The following STAB2 variants were observed in gnomAD, a reference collection of about 807,000 sequenced individuals.
The protein encoded by STAB2 is stabilin-2.
In STAB2, 288 loss-of-function variants were observed where a neutral mutation model predicts 338.1. The ratio of observed to expected loss-of-function variants is 0.85; its 90% CI spans 0.77 to 0.94. The LOEUF is 0.94. STAB2 is among the 40% of genes least tolerant of loss of function. STAB2 has a pLI of 0.00. For synonymous variants in STAB2, 1,202 were observed against 1,193.3 expected (o/e 1.01, Z -0.15); for missense variants, 3,141 against 3,210.1 (o/e 0.98, Z 0.52).
intron 3 of STAB2, among the ~76,000 whole-genome samples, chr12:103,602,809 G>A (rs894708544): frequency 6.6e-6 from 1 of 152,132 alleles, no homozygotes; most frequent in Non-Finnish European, 1.5e-5. Flanking sequence ...TTAGATGTGT[G>A]CTTTGTAAAT....
intron 39 of STAB2, among the ~76,000 whole-genome samples, chr12:103,709,765 G>A: frequency 6.6e-6 from 1 of 152,192 alleles, no homozygotes; most frequent in East Asian, 1.9e-4. Context: ...TCAAATGTCA[G>A]GGTACAGAGC....
intron 5 of STAB2, among the ~76,000 whole-genome samples, chr12:103,623,341 C>A (rs1023619264): frequency 6.6e-6 from 1 of 152,132 alleles, no homozygotes; most frequent in African/African-American, 2.4e-5. Flanking sequence ...AATATGGTAC[C>A]TTACATGGCA....
At chr12:103,719,050 A>C (rs554639807) in intron 44 of STAB2, among the ~76,000 whole-genome samples, 1 of 152,310 alleles carries the variant, frequency 6.6e-6, no homozygotes, top group African/African-American at 2.4e-5. Context: ...TATGCAAACG[A>C]GGAGTTTACT....
chr12:103,740,318 G>A (rs1882480359), intron 54 of STAB2, among the ~76,000 whole-genome samples: 1 of 152,048 alleles, frequency 6.6e-6, no homozygotes, highest in African/African-American at 2.4e-5. Flanking sequence ...ATGACAGCAA[G>A]CTACCTCCTT....
Position 103,669,537 on chromosome 12 carries a change from T to C in STAB2, c.2173-4T>C. On this transcript the variant is annotated splice_region_variant and splice_polypyrimidine_tract_variant and intron_variant, in intron 20 of 68. Transcript: ENST00000388887. The stretch of plus-strand genomic sequence containing the variant: ...CAAAGGGGAACACGCATTTTGTTTT[T>C]CAGATTCCAAAGTGCTGCAAAGGCT... 6.2e-7 allele frequency: 1 copy of C among 1,614,050 alleles called. No individual in the cohort carries two copies. The highest frequency in any genetic ancestry group is 2.2e-5 in the East Asian group (1 of 44,878).
intron 37 of STAB2, among the ~76,000 whole-genome samples, 179 bp downstream of exon 37, chr12:103,705,906 G>C (rs1879308373): frequency 6.6e-6 from 1 of 152,174 alleles, no homozygotes; most frequent in African/African-American, 2.4e-5. Flanking sequence ...GAACAGCTCT[G>C]TAATCCAGAA....
intron 26 of STAB2, among the ~76,000 whole-genome samples, chr12:103,684,292 A>G (rs1454473720): frequency 6.6e-6 from 1 of 152,212 alleles, no homozygotes; most frequent in Non-Finnish European, 1.5e-5. Flanking sequence ...AGGTGTCTAC[A>G]TATGAGTCCG....
chr12:103,597,778 T>G (rs1226618226), intron 3 of STAB2, among the ~76,000 whole-genome samples: 1 of 152,176 alleles, frequency 6.6e-6, no homozygotes. Flanking sequence ...TTGAACATCT[T>G]ACTTTTTTTT....
At chr12:103,688,274 G>T in intron 28 of STAB2, 59 bp downstream of exon 28, 1 of 1,550,918 alleles carries the variant, frequency 6.4e-7, no homozygotes, top group Middle Eastern at 1.7e-4. Flanking sequence ...AACTTGGAAT[G>T]CATACAATAG....
chr12:103,732,593 C>T (rs764794151), intron 50 of STAB2, among the ~76,000 whole-genome samples: 4 of 151,964 alleles, frequency 2.6e-5, no homozygotes, highest in Admixed American at 2.6e-4. Flanking sequence ...ATTGCTTGAG[C>T]CCAGGAGTTT....
Position 103,766,319 on chromosome 12 carries a change from C to T in STAB2, c.7639C>T (p.Pro2547Ser), listed in dbSNP as rs778099850. 26 of 1,613,352 alleles carry T rather than the reference C, an allele frequency of 1.6e-5. No homozygotes were observed. The highest frequency in any genetic ancestry group is 2.1e-5 in the Non-Finnish European group (25 of 1,179,540). The change falls in exon 69 of 69, where the codon CCC becomes TCC. Residue 2547 changes from proline to serine, a missense_variant. By Grantham distance (74) the Pro-to-Ser change is moderately conservative. Transcript: ENST00000388887. ...SEERQLEGNDPLRTL is the reference protein window; with the variant it reads ...SEERQLEGNDSLRTL ...AGAACGGCAGCTTGAGGGCAATGAC[C>T]CCTTGAGGACACTGTGAGGGCCTGG...
chr12:103,692,866 G>A lies in STAB2; in HGVS notation c.3352G>A (p.Gly1118Arg). Residue 1118 changes from glycine to arginine, a missense_variant, in exon 31 of 69, where the codon GGA becomes AGA. Gly to Arg is a moderately radical substitution (Grantham distance 125). Coordinates refer to ENST00000388887, the MANE Select transcript of STAB2 (RefSeq NM_017564.10). ...IVDGDNAATN[G>R]VIHIINKVLV... ...CGATGGGGACAACGCAGCCACAAAT[G>A]GAGTGATACACATCATCAACAAGGT... 1.2e-6 allele frequency: 2 copies of A among 1,613,564 alleles called. No homozygotes were observed. The highest frequency in any genetic ancestry group is 1.7e-6 in the Non-Finnish European group (2 of 1,179,586).
chr12:103,745,342 CA>C, intron 57 of STAB2, 65 bp downstream of exon 57: 2 of 1,442,112 alleles, frequency 1.4e-6, no homozygotes, highest in Non-Finnish European at 1.9e-6. Flanking sequence ...CAAGAGCATA[CA>C]AGTGAGGTTG....
intron 24 of STAB2, 44 bp downstream of exon 24, chr12:103,676,065 T>TTC: frequency 1.4e-6 from 2 of 1,390,432 alleles, no homozygotes; most frequent in Non-Finnish European, 1.9e-6. Context: ...TTTCTTTTTT[T>TTC]TTTTTTTTTT....
At chr12:103,702,986 G>A (rs907049333) in intron 34 of STAB2, among the ~76,000 whole-genome samples, 162 bp from the exon 35 acceptor site, 5 of 152,210 alleles carry the variant, frequency 3.3e-5, no homozygotes, top group African/African-American at 7.2e-5. Flanking sequence ...TCAGACTTCC[G>A]CTCCTAAGTC....
intron 8 of STAB2, among the ~76,000 whole-genome samples, chr12:103,639,454 A>G (rs1012934738): frequency 1.4e-4 from 21 of 152,014 alleles, no homozygotes; most frequent in African/African-American, 4.8e-4. Context: ...TGTAATCCCA[A>G]CACTCCGGGA....
At chr12:103,752,295 A>G (rs1157556677) in intron 60 of STAB2, among the ~76,000 whole-genome samples, 1 of 152,238 alleles carries the variant, frequency 6.6e-6, no homozygotes, top group African/African-American at 2.4e-5. Flanking sequence ...ACACTTTTCC[A>G]TACTTCTCCA....
chr12:103,755,168 C>G, intron 61 of STAB2, 134 bp from the exon 62 acceptor site: 1 of 1,236,702 alleles, frequency 8.1e-7, no homozygotes, highest in South Asian at 1.4e-5. Context: ...TACTGTGTGC[C>G]AGGCACAGAG....
chr12:103,676,062 T>TTTC, intron 24 of STAB2, 41 bp downstream of exon 24: 2 of 1,208,616 alleles, frequency 1.7e-6, no homozygotes, highest in South Asian at 3.1e-5. Flanking sequence ...TGGTTTCTTT[T>TTTC]TTTTTTTTTT....
Sources: allele counts gnomAD v4.1 joint callset (sites outside exome capture counted in the v4.1 genomes callset), GRCh38; gene constraint gnomAD v4.1.1; transcripts MANE v1.5; gene names NCBI Gene and HGNC (gene_info 2026-07-23, HGNC 2026-07-21).